The following OLFM3 variants were observed in gnomAD, a reference collection of about 807,000 sequenced individuals.
The protein encoded by OLFM3 is olfactomedin 3, also known as noelin-3.
A neutral mutation model predicts 48.6 loss-of-function variants in OLFM3; 20 were observed. The ratio of observed to expected loss-of-function variants is 0.41; its 90% CI spans 0.29 to 0.60. The LOEUF (loss-of-function observed/expected upper bound fraction) is 0.60. OLFM3 is among the 20% of genes least tolerant of loss of function. OLFM3 has a pLI of 0.28. For synonymous variants in OLFM3, 222 were observed against 198.1 expected (o/e 1.12, Z -1.01); for missense variants, 437 against 544.3 (o/e 0.80, Z 1.96).
At chr1:101,897,347 C>A (rs996804845) in intron 1 of OLFM3, among the ~76,000 whole-genome samples, 1 of 152,258 alleles carries the variant, frequency 6.6e-6, no homozygotes, top group Admixed American at 6.5e-5. Context: ...CTAAAACTTA[C>A]TAGAATTCCG....
At chr1:101,878,067 CTA>C (rs1657373729) in intron 1 of OLFM3, among the ~76,000 whole-genome samples, 18 of 151,890 alleles carry the variant, frequency 1.2e-4, no homozygotes, top group African/African-American at 4.3e-4. Context: ...CCCGCATGTC[CTA>C]GAGAAGATAC....
intron 1 of OLFM3, among the ~76,000 whole-genome samples, chr1:101,907,596 T>A (rs1450506516): frequency 6.6e-6 from 1 of 152,234 alleles, no homozygotes; most frequent in Admixed American, 6.5e-5. Context: ...CAGAGTATGT[T>A]CCAAATTGTA....
In OLFM3 at chr1:101,866,762, T is replaced by C. The variant is rs376487914; in HGVS notation, c.70-29737A>G. On this transcript the variant is annotated intron_variant, in intron 1 of 5. Transcript: ENST00000370103. Reference sequence around the variant, plus strand: ...AATATGTAACATCACTTATCCTTTATTCAAATATTTGCAGGTTTTTAAAAT... The same window carrying C: ...AATATGTAACATCACTTATCCTTTACTCAAATATTTGCAGGTTTTTAAAAT... Among the ~76,000 whole-genome samples, 73 of 152,324 alleles carry C rather than the reference T, an allele frequency of 4.8e-4. No homozygotes were observed. In the South Asian group the frequency reaches 0.014, roughly 30 times the overall value.
At chr1:101,912,904 A>G (rs2101030088) in intron 1 of OLFM3, among the ~76,000 whole-genome samples, 1 of 152,330 alleles carries the variant, frequency 6.6e-6, no homozygotes, top group Middle Eastern at 3.4e-3. Flanking sequence ...CTAGGATATA[A>G]AAAACACAGG....
At chr1:101,962,275 C>A (rs7523693) in intron 1 of OLFM3, among the ~76,000 whole-genome samples, 32,358 of 151,916 alleles carry the variant, frequency 0.21, 3,825 homozygotes, top group East Asian at 0.5. Flanking sequence ...ACATCCCACC[C>A]CCTTCAATCT....
At chr1:101,874,243 A>G (rs925183939) in intron 1 of OLFM3, among the ~76,000 whole-genome samples, 3 of 151,930 alleles carry the variant, frequency 2.0e-5, no homozygotes, top group African/African-American at 7.2e-5. Context: ...CACATTAGAT[A>G]GTAAATAGAC....
chr1:101,833,503 C>A (rs1655263796), intron 2 of OLFM3, among the ~76,000 whole-genome samples: 1 of 152,176 alleles, frequency 6.6e-6, no homozygotes, highest in South Asian at 2.1e-4. Context: ...TATGTTCCCT[C>A]TTTTTGTTGG....
At position 101,864,301 on chromosome 1, in the gene OLFM3, A is replaced by G. The variant is rs145385186; in HGVS notation, c.70-27276T>C. 1.2e-3 allele frequency among the ~76,000 whole-genome samples: 178 copies of G among 152,276 alleles called. 1 individual carries two copies. Among genetic ancestry groups the G allele is most frequent in the African/African-American group, 4.0e-3 (166 of 41,554 alleles). ...CTGCAGTTACGTAGTCCTTTACACA[A>G]TGATAATTTGCCTACAGTTATTTTC... On this transcript the variant is annotated intron_variant, in intron 1 of 5. Coordinates refer to ENST00000370103, the MANE Select transcript of OLFM3 (RefSeq NM_058170.4).
chr1:101,812,958 A>G (rs1654140523), intron 4 of OLFM3: 1 of 1,013,962 alleles, frequency 9.9e-7, no homozygotes, highest in South Asian at 2.9e-5. Context: ...ATTTAAAGAT[A>G]TAATAATTAA....
chr1:101,851,646 G>A (rs1471101896), intron 1 of OLFM3, among the ~76,000 whole-genome samples: 2 of 152,066 alleles, frequency 1.3e-5, no homozygotes, highest in African/African-American at 4.8e-5. Context: ...AGAGGAAAGG[G>A]ACTGATTGCT....
intron 1 of OLFM3, among the ~76,000 whole-genome samples, chr1:101,842,258 G>A (rs1402084029): frequency 1.3e-5 from 2 of 152,132 alleles, no homozygotes; most frequent in Non-Finnish European, 2.9e-5. Flanking sequence ...TTAGGTTAGG[G>A]TGCAGTGGCT....
At chr1:101,919,580 C>G (rs1659029935) in intron 1 of OLFM3, among the ~76,000 whole-genome samples, 1 of 152,156 alleles carries the variant, frequency 6.6e-6, no homozygotes, top group South Asian at 2.1e-4. Flanking sequence ...ACCATTCAGT[C>G]CTCAGCCACA....
chr1:101,985,985 A>G (rs1261936180), intron 1 of OLFM3, among the ~76,000 whole-genome samples: 1 of 131,698 alleles, frequency 7.6e-6, no homozygotes, highest in African/African-American at 2.8e-5. Flanking sequence ...TTTTTTTTTG[A>G]CACAGAGTCT....
chr1:101,876,200 G>T (rs1657293013), intron 1 of OLFM3, among the ~76,000 whole-genome samples: 1 of 151,856 alleles, frequency 6.6e-6, no homozygotes, highest in African/African-American at 2.4e-5. Flanking sequence ...TCATTTCATG[G>T]ATATCTTCCC....
chr1:101,902,688 C>T (rs1042777080), intron 1 of OLFM3, among the ~76,000 whole-genome samples: 1 of 152,068 alleles, frequency 6.6e-6, no homozygotes, highest in Non-Finnish European at 1.5e-5. Context: ...CTGCAGTAAT[C>T]AATTTAAAAA....
intron 1 of OLFM3, among the ~76,000 whole-genome samples, chr1:101,848,497 G>C (rs1656098253): frequency 7.5e-6 from 1 of 134,110 alleles, no homozygotes; most frequent in African/African-American, 3.0e-5. Context: ...TATTAGCTTA[G>C]AATCCAGGCC....
chr1:101,973,386 CT>C (rs1475839808), intron 1 of OLFM3, among the ~76,000 whole-genome samples: 1 of 152,088 alleles, frequency 6.6e-6, no homozygotes, highest in Non-Finnish European at 1.5e-5. Context: ...TTTTTTTATT[CT>C]TCTGGGGCCT....
intron 1 of OLFM3, among the ~76,000 whole-genome samples, chr1:101,994,766 A>G (rs527407912): frequency 1.3e-5 from 2 of 151,978 alleles, no homozygotes; most frequent in East Asian, 3.9e-4. Context: ...ATCGTCTTTT[A>G]AAAAAATCAT....
intron 1 of OLFM3, among the ~76,000 whole-genome samples, chr1:101,883,653 A>G (rs1178427209): frequency 6.6e-6 from 1 of 151,998 alleles, no homozygotes; most frequent in Non-Finnish European, 1.5e-5. Context: ...TATCAATTTT[A>G]GTATAATTAC....
Sources: allele counts gnomAD v4.1 joint callset (sites outside exome capture counted in the v4.1 genomes callset), GRCh38; gene constraint gnomAD v4.1.1; transcripts MANE v1.5; gene names NCBI Gene and HGNC (gene_info 2026-07-23, HGNC 2026-07-21).